Variants in COL4A4 observed in about 807,000 individuals in gnomAD.
The protein encoded by COL4A4 is collagen alpha-4(IV) chain.
In COL4A4, 105 loss-of-function variants were observed where a neutral mutation model predicts 192.9. The observed-to-expected ratio is 0.54, with a 90% CI of 0.46 to 0.64. COL4A4 has a LOEUF of 0.64. COL4A4 is among the 30% of genes least tolerant of loss of function. COL4A4 has a pLI of 0.00. For missense variants in COL4A4, 1,967 were observed against 2,169.3 expected (o/e 0.91, Z 1.85); for synonymous variants, 762 against 769.9 (o/e 0.99, Z 0.17).
chr2:227,017,432 A>T (rs926436689), intron 44 of COL4A4, among the ~76,000 whole-genome samples: 1 of 152,172 alleles, frequency 6.6e-6, no homozygotes, highest in Non-Finnish European at 1.5e-5. Flanking sequence ...CAAACCCTCC[A>T]GTGTTAGATG....
At chr2:227,010,560 G>A in intron 45 of COL4A4, 59 bp from the exon 46 acceptor site, 2 of 1,369,752 alleles carry the variant, frequency 1.5e-6, no homozygotes, top group Non-Finnish European at 2.0e-6. Context: ...TAACAAATAT[G>A]TTAAGCACCT....
At chr2:227,011,809 G>T (rs12470666) in intron 45 of COL4A4, among the ~76,000 whole-genome samples, 1 of 152,004 alleles carries the variant, frequency 6.6e-6, no homozygotes, top group Non-Finnish European at 1.5e-5. Context: ...CACACACACC[G>T]TCCCTGAGGT....
intron 23 of COL4A4, among the ~76,000 whole-genome samples, 197 bp from the exon 24 acceptor site, chr2:227,080,746 T>C (rs1244186103): frequency 1.3e-5 from 2 of 152,266 alleles, no homozygotes; most frequent in South Asian, 2.1e-4. Flanking sequence ...TCTCTTTACT[T>C]GGGAAAAGCT....
Position 227,056,206 on chromosome 2 carries a change from T to C in COL4A4, c.2546-91A>G, listed in dbSNP as rs1000093117. 2.7e-6 allele frequency: 3 copies of C among 1,107,448 alleles called. No homozygotes were observed. In the African/African-American group the frequency reaches 4.6e-5, roughly 17 times the overall value. The allele number at this position is 1,107,448 out of a possible 1,614,324, so 68.6% of individuals were successfully genotyped here. On this transcript the variant is annotated intron_variant, in intron 29 of 47. Transcript: ENST00000396625. ...AATATACAGTAGCTTAAACAATGCG[T>C]TAAACAACAGTAAAGCAATATTTGT...
chr2:227,044,294 A>G (rs1972006990), intron 35 of COL4A4, among the ~76,000 whole-genome samples: 1 of 152,236 alleles, frequency 6.6e-6, no homozygotes. Context: ...TTTGATTACT[A>G]AAGAGGATGA....
intron 25 of COL4A4, among the ~76,000 whole-genome samples, chr2:227,068,936 T>G (rs2058529670): frequency 6.6e-6 from 1 of 150,610 alleles, no homozygotes; most frequent in Admixed American, 6.6e-5. Context: ...TGTCCCTGTT[T>G]GCAGACGACA....
chr2:227,147,615 C>T, intron 1 of COL4A4, 31 bp from the exon 2 acceptor site: 1 of 756,188 alleles, frequency 1.3e-6, no homozygotes, highest in South Asian at 1.4e-5. Flanking sequence ...ACTTAAAACA[C>T]AGCATGCATT....
At chr2:227,032,409 G>T (rs1968628613) in intron 38 of COL4A4, 133 bp from the exon 39 acceptor site, 2 of 979,840 alleles carry the variant, frequency 2.0e-6, no homozygotes, top group East Asian at 5.2e-5. Context: ...TGGTTGCAGT[G>T]GTGATCCAAA....
rs2064496847 is a variant in COL4A4, at chr2:227,158,081, C to T, written c.-102+5926G>A. 5.9e-5 allele frequency among the ~76,000 whole-genome samples: 9 copies of T among 151,888 alleles called. 1 individual carries two copies. The South Asian group carries it at 1.9e-3, about 32-fold the overall frequency. ...TAGCCTAAGCAATTTTTATAAAAAG[C>T]AACAAAGTTGAAGGACTTACACTAG... On this transcript the variant is annotated intron_variant, in intron 1 of 47. Coordinates refer to ENST00000396625, the MANE Select transcript of COL4A4 (RefSeq NM_000092.5).
At chr2:227,088,867 C>A (rs1177176019) in intron 21 of COL4A4, 51 bp from the exon 22 acceptor site, 2 of 1,593,736 alleles carry the variant, frequency 1.3e-6, no homozygotes, top group Non-Finnish European at 1.7e-6. Flanking sequence ...ATAAAATCCC[C>A]AATAAGGGCT....
chr2:227,039,250 T>C (rs1335073479), intron 37 of COL4A4, among the ~76,000 whole-genome samples: 1 of 152,204 alleles, frequency 6.6e-6, no homozygotes, highest in Admixed American at 6.5e-5. Flanking sequence ...CACTGCAACC[T>C]CCACCTCCTG....
chr2:226,988,592 GC>G, the COL4A4 span: 1 of 1,367,684 alleles, frequency 7.3e-7, no homozygotes, highest in East Asian at 2.8e-5. Flanking sequence ...ATCAGAAGAG[GC>G]CGGGGGCTCC....
At position 227,114,613 on chromosome 2, in the gene COL4A4, G is replaced by A; in HGVS notation, c.558+15C>T. On this transcript the variant is annotated intron_variant, in intron 8 of 47. Transcript: ENST00000396625. ...AAGAAAAAATTTTTTAACCCATCAT[G>A]ATCATAATACTTACCTGAATACCTT... 1.9e-6 allele frequency: 3 copies of A among 1,610,398 alleles called. No homozygotes were observed. Among genetic ancestry groups the A allele is most frequent in the Non-Finnish European group, 2.5e-6 (3 of 1,176,680 alleles).
chr2:227,099,739 TG>T, intron 17 of COL4A4, 50 bp from the exon 18 acceptor site: 1 of 1,520,420 alleles, frequency 6.6e-7, no homozygotes, highest in South Asian at 1.1e-5. Flanking sequence ...ATTTTACTCA[TG>T]TTGCCTGGCA....
At chr2:227,032,397 A>G (rs1968624562) in intron 38 of COL4A4, 121 bp from the exon 39 acceptor site, 1 of 1,138,440 alleles carries the variant, frequency 8.8e-7, no homozygotes, top group East Asian at 2.6e-5. Flanking sequence ...GACACCAACA[A>G]CTGGTTGCAG....
At chr2:226,992,588 C>T in the COL4A4 span, among the ~76,000 whole-genome samples, 17 of 152,240 alleles carry the variant, frequency 1.1e-4, no homozygotes, top group African/African-American at 4.1e-4. Context: ...TTAAGGAGAC[C>T]CACGTGGGAA....
chr2:227,114,565 C>T (rs1239084794), intron 8 of COL4A4, 63 bp downstream of exon 8: 1 of 1,267,812 alleles, frequency 7.9e-7, no homozygotes, highest in Non-Finnish European at 1.2e-6. Context: ...CTGAGTATTT[C>T]CTGCATGGGC....
intron 8 of COL4A4, among the ~76,000 whole-genome samples, chr2:227,112,676 T>A (rs1441345499): frequency 6.6e-6 from 1 of 152,210 alleles, no homozygotes; most frequent in Non-Finnish European, 1.5e-5. Context: ...TCTCCAAAAC[T>A]CTTATGTCTC....
intron 31 of COL4A4, among the ~76,000 whole-genome samples, chr2:227,054,116 G>A (rs1248560540): frequency 6.6e-6 from 1 of 152,168 alleles, no homozygotes; most frequent in Non-Finnish European, 1.5e-5. Context: ...ACTGAAAATT[G>A]TATTTTATGT....
Sources: gnomAD v4.1 joint callset for allele counts (sites outside exome capture counted in the v4.1 genomes callset) on GRCh38, gnomAD v4.1.1 for gene constraint, MANE v1.5 for transcripts, NCBI Gene and HGNC (gene_info 2026-07-23, HGNC 2026-07-21) for gene names.